Variants in SLC2A12 observed in about 807,000 individuals in gnomAD.
SLC2A12 encodes solute carrier family 2, facilitated glucose transporter member 12.
In SLC2A12, 23 loss-of-function variants were observed where a neutral mutation model predicts 41.8. The ratio of observed to expected loss-of-function variants is 0.55; its 90% CI spans 0.40 to 0.78. The LOEUF (loss-of-function observed/expected upper bound fraction) is 0.78. Ranked by LOEUF, SLC2A12 falls within the 30% of genes least tolerant of loss-of-function variation. The pLI is 0.00. For missense variants in SLC2A12, 654 were observed against 745.6 expected (o/e 0.88, Z 1.43); for synonymous variants, 295 against 285.9 (o/e 1.03, Z -0.32).
intron 2 of SLC2A12, among the ~76,000 whole-genome samples, chr6:134,014,721 G>C (rs1369421807): frequency 1.3e-5 from 2 of 152,154 alleles, no homozygotes; most frequent in African/African-American, 2.4e-5. Context: ...ATCTTTTACA[G>C]TCCAATATTT....
At chr6:134,006,366 C>T (rs1029035180) in intron 3 of SLC2A12, among the ~76,000 whole-genome samples, 1 of 151,868 alleles carries the variant, frequency 6.6e-6, no homozygotes, top group African/African-American at 2.4e-5. Flanking sequence ...ACAAAACCTA[C>T]AAATTATGAC....
At chr6:134,052,250 T>TACGC (rs1554209939) in intron 1 of SLC2A12, 128 bp downstream of exon 1, 2 of 356,482 alleles carry the variant, frequency 5.6e-6, no homozygotes, top group African/African-American at 5.2e-5. Flanking sequence ...CGCGCGCGCA[T>TACGC]ACACACACAC....
chr6:134,012,856 A>G (rs9376003), intron 2 of SLC2A12, among the ~76,000 whole-genome samples: 19,532 of 152,172 alleles, frequency 0.13, 1,484 homozygotes, highest in East Asian at 0.18. Context: ...CTGTAGTCCT[A>G]GCTACTCAGG....
chr6:133,991,998 CTG>C (rs1329324688), intron 4 of SLC2A12, among the ~76,000 whole-genome samples: 1 of 152,060 alleles, frequency 6.6e-6, no homozygotes, highest in Non-Finnish European at 1.5e-5. Flanking sequence ...AGAGGACAGA[CTG>C]TATTATACAG....
At chr6:134,047,339 T>C (rs1382070320) in intron 1 of SLC2A12, among the ~76,000 whole-genome samples, 1 of 152,210 alleles carries the variant, frequency 6.6e-6, no homozygotes, top group Non-Finnish European at 1.5e-5. Flanking sequence ...GAGGGCCCTT[T>C]AGAGCTCTCA....
intron 1 of SLC2A12, among the ~76,000 whole-genome samples, chr6:134,032,442 AT>A (rs1562201654): frequency 4.9e-4 from 18 of 36,694 alleles, no homozygotes; most frequent in Non-Finnish European, 7.8e-4. Flanking sequence ...ATATATATAT[AT>A]ATATAAATAT....
chr6:133,989,842 C>T lies in SLC2A12; in HGVS notation c.*1313G>A, dbSNP rs991087710. On this transcript the variant is annotated 3_prime_UTR_variant, in exon 5 of 5. Coordinates refer to ENST00000275230, the MANE Select transcript of SLC2A12 (RefSeq NM_145176.3). ...AGCTAAATAAAAAGGAGCTTTGGCTCTTAGGATTCTCTTTTCTTCAGGTTA... is the reference window on the plus strand; with the variant it reads ...AGCTAAATAAAAAGGAGCTTTGGCTTTTAGGATTCTCTTTTCTTCAGGTTA... 1 of 152,174 alleles carries T rather than the reference C, an allele frequency of 6.6e-6. No individual in the cohort carries two copies. Among genetic ancestry groups the T allele is most frequent in the African/African-American group, 2.4e-5 (1 of 41,452 alleles). 9.4% of individuals were successfully genotyped at this position (152,174 alleles called of 1,614,324 possible). A position where few individuals can be genotyped will look rare whatever the true frequency, so the allele number is the denominator to read the frequency against.
chr6:134,034,822 C>T (rs1562202618), intron 1 of SLC2A12, among the ~76,000 whole-genome samples: 1 of 152,058 alleles, frequency 6.6e-6, no homozygotes, highest in Admixed American at 6.6e-5. Context: ...CAAAAAATAC[C>T]CAGCTTTCAA....
In SLC2A12 at chr6:133,989,952, T is replaced by A. The variant is rs1776598196; in HGVS notation, c.*1203A>T. On this transcript the variant is annotated 3_prime_UTR_variant, in exon 5 of 5. Transcript: ENST00000275230. ...TCTTCCATCACTTAAATATTAGTAA[T>A]TTAATATGTTATTTGGTTCAAGATT... 6.6e-6 allele frequency: 1 copy of A among 152,272 alleles called. No individual in the cohort carries two copies. The allele number at this position is 152,272 out of a possible 1,614,324, so 9.4% of individuals were successfully genotyped here.
At chr6:134,001,837 A>G (rs1394659459) in intron 4 of SLC2A12, among the ~76,000 whole-genome samples, 160 bp downstream of exon 4, 1 of 151,758 alleles carries the variant, frequency 6.6e-6, no homozygotes, top group Non-Finnish European at 1.5e-5. Flanking sequence ...AAGACAAAGC[A>G]GGGAAATTGG....
chr6:134,004,773 T>C (rs1776791932), intron 3 of SLC2A12, among the ~76,000 whole-genome samples: 1 of 152,234 alleles, frequency 6.6e-6, no homozygotes, highest in Non-Finnish European at 1.5e-5. Flanking sequence ...CACTTCAGGA[T>C]AGCCAAATAG....
At chr6:133,998,642 A>T (rs1419545874) in intron 4 of SLC2A12, among the ~76,000 whole-genome samples, 1 of 152,214 alleles carries the variant, frequency 6.6e-6, no homozygotes, top group East Asian at 1.9e-4. Context: ...CCAGGCTCAG[A>T]TGATCCTCCT....
At chr6:134,032,449 A>ATATATATTTAT (rs1562201692) in intron 1 of SLC2A12, among the ~76,000 whole-genome samples, 1 of 31,976 alleles carries the variant, frequency 3.1e-5, no homozygotes, top group Non-Finnish European at 6.4e-5. Context: ...TATATATATA[A>ATATATATTTAT]ATATATATAT....
Position 134,008,170 on chromosome 6 carries a change from C to T in SLC2A12, c.1445-1236G>A, listed in dbSNP as rs767805. ...AAGAAACTAGAAGCCAGGGAGAGGC[C>T]GCTCTGGCCAGCAACCACCTGGGCT... On this transcript the variant is annotated intron_variant, in intron 2 of 4. Coordinates refer to ENST00000275230, the MANE Select transcript of SLC2A12 (RefSeq NM_145176.3). 6.9e-3 allele frequency among the ~76,000 whole-genome samples: 1,055 copies of T among 152,210 alleles called. 18 individuals are homozygous for T. Among genetic ancestry groups the T allele is most frequent in the Admixed American group, 0.039 (602 of 15,296 alleles).
At chr6:134,014,233 G>C (rs530992681) in intron 2 of SLC2A12, among the ~76,000 whole-genome samples, 1 of 152,240 alleles carries the variant, frequency 6.6e-6, no homozygotes, top group South Asian at 2.1e-4. Flanking sequence ...GCAGACACTA[G>C]GGTTTGCCCA....
intron 1 of SLC2A12, among the ~76,000 whole-genome samples, chr6:134,031,442 C>T (rs115657552): frequency 0.03 from 4,499 of 151,952 alleles, 217 homozygotes; most frequent in African/African-American, 0.1. Flanking sequence ...AAACATTACA[C>T]TTGTTCAAGA....
rs1481998171 is a variant in SLC2A12 at position 134,052,361 on chromosome 6, C to T, written c.103+17G>A. On this transcript the variant is annotated intron_variant, in intron 1 of 4. Coordinates refer to ENST00000275230, the MANE Select transcript of SLC2A12 (RefSeq NM_145176.3). ...TTGCTTCTCTGCGGTCACCCGAGCACTGCAGGCTCACTTTACCTCTCGCCC... is the reference window on the plus strand; with the variant it reads ...TTGCTTCTCTGCGGTCACCCGAGCATTGCAGGCTCACTTTACCTCTCGCCC... The T allele has an allele frequency of 3.1e-6, 5 of 1,607,638 alleles. No homozygotes were observed. The African/African-American group carries it at 4.0e-5, about 13-fold the overall frequency.
intron 1 of SLC2A12, among the ~76,000 whole-genome samples, chr6:134,032,810 T>C (rs59597630): frequency 0.029 from 3,852 of 132,988 alleles, 184 homozygotes; most frequent in African/African-American, 0.097. Context: ...ATATAATTTA[T>C]ATCTATATAT....
chr6:134,032,466 TTTTATATATATATA>T lies in SLC2A12; in HGVS notation c.104-2759_104-2746del, dbSNP rs1562201756. ...TATATATAAATATATATATATATAT[TTTTATATATATATA>T]TATATATTTGTTCTGTTTCACTGCT... On this transcript the variant is annotated intron_variant, in intron 1 of 4. Transcript: ENST00000275230. 2.2e-3 allele frequency among the ~76,000 whole-genome samples: 72 copies of T among 33,202 alleles called. 3 individuals carry two copies. The highest frequency in any genetic ancestry group is 0.011 in the African/African-American group (69 of 6,556). The allele number at this position is 33,202 out of a possible 152,430, so 21.8% of individuals were successfully genotyped here.
Sources: gnomAD v4.1 joint callset for allele counts (sites outside exome capture counted in the v4.1 genomes callset) on GRCh38, gnomAD v4.1.1 for gene constraint, MANE v1.5 for transcripts, NCBI Gene and HGNC (gene_info 2026-07-23, HGNC 2026-07-21) for gene names.